RSBN1L: variants seen among roughly 807,000 people sequenced by gnomAD.
RSBN1L encodes the protein round spermatid basic protein 1 like, also known as lysine-specific demethylase RSBN1L.
Under a neutral mutation model 67.7 loss-of-function variants are expected in RSBN1L, and 30 were observed. The ratio of observed to expected loss-of-function variants is 0.44; its 90% CI spans 0.33 to 0.60. RSBN1L has a LOEUF of 0.60. Ranked by LOEUF, RSBN1L falls within the 20% of genes least tolerant of loss-of-function variation. RSBN1L has a pLI of 0.02. For missense variants in RSBN1L, 992 were observed against 1,031.7 expected (o/e 0.96, Z 0.53); for synonymous variants, 433 against 387.0 (o/e 1.12, Z -1.39).
chr7:77,732,310 T>A (rs1400613851), intron 1 of RSBN1L, among the ~76,000 whole-genome samples: 1 of 152,162 alleles, frequency 6.6e-6, no homozygotes, highest in East Asian at 1.9e-4. Context: ...CTTCTGTATG[T>A]AAAGATCTAG....
chr7:77,736,082 G>C (rs1214207755), intron 1 of RSBN1L, among the ~76,000 whole-genome samples: 1 of 152,038 alleles, frequency 6.6e-6, no homozygotes, highest in Non-Finnish European at 1.5e-5. Flanking sequence ...TTTCAACACT[G>C]GCACTTTTCC....
At chr7:77,739,834 C>G (rs1791385805) in intron 2 of RSBN1L, among the ~76,000 whole-genome samples, 1 of 120,898 alleles carries the variant, frequency 8.3e-6, no homozygotes. Context: ...ACTGCAAACT[C>G]TGCCTCCTGG....
chr7:77,717,946 C>A (rs1226314117), intron 1 of RSBN1L, among the ~76,000 whole-genome samples: 8 of 152,082 alleles, frequency 5.3e-5, no homozygotes, highest in Non-Finnish European at 1.0e-4. Flanking sequence ...TGGAACCTGG[C>A]AGGCGGAGGC....
intron 2 of RSBN1L, among the ~76,000 whole-genome samples, chr7:77,743,736 A>T (rs1032966375): frequency 6.6e-6 from 1 of 152,178 alleles, no homozygotes; most frequent in Non-Finnish European, 1.5e-5. Flanking sequence ...GCAGTTCTAC[A>T]TATATTTTCA....
intron 3 of RSBN1L, among the ~76,000 whole-genome samples, chr7:77,755,465 A>G (rs1258556921): frequency 6.6e-6 from 1 of 152,122 alleles, no homozygotes; most frequent in African/African-American, 2.4e-5. Context: ...AGGAGTTAAG[A>G]GACCAGCCTG....
chr7:77,723,326 A>G (rs1376465511), intron 1 of RSBN1L, among the ~76,000 whole-genome samples: 1 of 152,136 alleles, frequency 6.6e-6, no homozygotes, highest in Non-Finnish European at 1.5e-5. Flanking sequence ...TAAAAAAATT[A>G]ATGAACCTAT....
chr7:77,760,622 T>C (rs1029062186), intron 3 of RSBN1L, among the ~76,000 whole-genome samples: 12 of 152,178 alleles, frequency 7.9e-5, no homozygotes, highest in African/African-American at 2.7e-4. Context: ...TATTCTATTA[T>C]TATTTTTTAT....
chr7:77,720,763 C>CTTTTTTT (rs34070122), intron 1 of RSBN1L, among the ~76,000 whole-genome samples: 195 of 104,362 alleles, frequency 1.9e-3, no homozygotes, highest in African/African-American at 3.2e-3. Flanking sequence ...TTTTCTTTTT[C>CTTTTTTT]TTTTTTTTTT....
intron 3 of RSBN1L, among the ~76,000 whole-genome samples, chr7:77,759,292 T>C (rs1038922212): frequency 6.6e-6 from 1 of 152,180 alleles, no homozygotes; most frequent in Admixed American, 6.5e-5. Context: ...ATACAAAATA[T>C]CGTGTCAGGG....
chr7:77,707,673 A>G (rs1200401928), intron 1 of RSBN1L, among the ~76,000 whole-genome samples: 4 of 152,168 alleles, frequency 2.6e-5, no homozygotes, highest in African/African-American at 9.7e-5. Flanking sequence ...CAATTTTCTC[A>G]TTTGATAATA....
chr7:77,710,999 A>G (rs891291350), intron 1 of RSBN1L, among the ~76,000 whole-genome samples: 33 of 152,128 alleles, frequency 2.2e-4, no homozygotes, highest in Admixed American at 7.9e-4. Context: ...CAACTTCTGG[A>G]TACATATTTG....
rs1791949115 is a variant in RSBN1L at position 77,778,532 on chromosome 7, T to C, written c.1905T>C (p.Cys635=). 18 of 1,602,746 alleles carry C rather than the reference T, an allele frequency of 1.1e-5. No homozygotes were observed. The highest frequency in any genetic ancestry group is 1.5e-5 in the Non-Finnish European group (18 of 1,174,116). Reference sequence around the variant, plus strand: ...TTTCTTGTTTTATTATTTTTTAGTGTGTCCAATGGGTTGATGATGCAAAAC... The same window carrying C: ...TTTCTTGTTTTATTATTTTTTAGTGCGTCCAATGGGTTGATGATGCAAAAC... ...LDLHEPPLSQ[C]VQWVDDAKLN... is the part of the protein sequence containing the mutation. The change falls in exon 8 of 8, where the codon TGT becomes TGC. Residue 635 remains cysteine (C), a splice_region_variant and synonymous_variant. Coordinates refer to ENST00000334955, the MANE Select transcript of RSBN1L (RefSeq NM_198467.3).
chr7:77,758,418 A>G (rs1032576603), intron 3 of RSBN1L, among the ~76,000 whole-genome samples: 1 of 152,240 alleles, frequency 6.6e-6, no homozygotes, highest in African/African-American at 2.4e-5. Context: ...TGATACAAGC[A>G]TGCAATATGA....
At chr7:77,745,204 T>C (rs929719453) in intron 2 of RSBN1L, among the ~76,000 whole-genome samples, 11 of 149,822 alleles carry the variant, frequency 7.3e-5, no homozygotes, top group African/African-American at 2.7e-4. Context: ...GAGGTTGCAG[T>C]GAGCCGAGAT....
Position 77,736,459 on chromosome 7 carries a change from A to T in RSBN1L, c.636A>T (p.Glu212Asp). The change falls in exon 2 of 8, where the codon GAA becomes GAT. Residue 212 changes from glutamate (E) to aspartate (D), a missense_variant. Glu to Asp is a conservative substitution (Grantham distance 45). Coordinates refer to ENST00000334955, the MANE Select transcript of RSBN1L (RefSeq NM_198467.3). ...AGAGAGACAAAGAAAAAGAAAGAGAAAAAAAGAAACATAAAGTAATGAATG... is the reference window on the plus strand; with the variant it reads ...AGAGAGACAAAGAAAAAGAAAGAGATAAAAAGAAACATAAAGTAATGAATG... ...IKERDKEKER[E>D]KKKHKVMNEI... 1.7e-6 allele frequency: 2 copies of T among 1,192,272 alleles called. No individual in the cohort carries two copies. The highest frequency in any genetic ancestry group is 2.8e-5 in the South Asian group (2 of 70,530). The allele number at this position is 1,192,272 out of a possible 1,614,324, so 73.9% of individuals were successfully genotyped here.
chr7:77,752,269 G>T (rs1302038739), intron 3 of RSBN1L, among the ~76,000 whole-genome samples: 1 of 152,172 alleles, frequency 6.6e-6, no homozygotes, highest in African/African-American at 2.4e-5. Flanking sequence ...TTGTGGTTCT[G>T]GCCCCATATC....
chr7:77,697,181 T>G, intron 1 of RSBN1L, 126 bp downstream of exon 1: 1 of 1,082,358 alleles, frequency 9.2e-7, no homozygotes, highest in Non-Finnish European at 1.2e-6. Context: ...CTGGGAGGCG[T>G]CCGGTTTTCA....
At chr7:77,761,028 G>A (rs1791691512) in intron 3 of RSBN1L, among the ~76,000 whole-genome samples, 1 of 152,238 alleles carries the variant, frequency 6.6e-6, no homozygotes, top group African/African-American at 2.4e-5. Context: ...GTGAATAAAA[G>A]CAAATATAGT....
chr7:77,713,665 CT>C (rs751682740), intron 1 of RSBN1L, among the ~76,000 whole-genome samples: 226 of 144,684 alleles, frequency 1.6e-3, no homozygotes, highest in Non-Finnish European at 1.6e-3. Flanking sequence ...CTCTCTCTTC[CT>C]TTTTTTTTTT....
Sources: gnomAD v4.1 joint callset for allele counts (sites outside exome capture counted in the v4.1 genomes callset) on GRCh38, gnomAD v4.1.1 for gene constraint, MANE v1.5 for transcripts, NCBI Gene and HGNC (gene_info 2026-07-23, HGNC 2026-07-21) for gene names.